Variants in PAX3 observed in about 807,000 individuals in gnomAD.
PAX3 encodes the protein paired box 3, also known as paired box protein Pax-3.
In PAX3, 14 loss-of-function variants were observed where a neutral mutation model predicts 51.6. The observed-to-expected ratio is 0.27, with a 90% CI of 0.18 to 0.42. The LOEUF (loss-of-function observed/expected upper bound fraction) is 0.42. PAX3 is among the 10% of genes least tolerant of loss of function. The pLI is 1.00. For synonymous variants in PAX3, 280 were observed against 253.4 expected (o/e 1.11, Z -1.00); for missense variants, 540 against 642.8 (o/e 0.84, Z 1.73).
At chr2:222,220,735 G>A (rs1437248598) in intron 6 of PAX3, among the ~76,000 whole-genome samples, 2 of 152,192 alleles carry the variant, frequency 1.3e-5, no homozygotes, top group Non-Finnish European at 2.9e-5. Context: ...CTAAATATTT[G>A]TGTAATAATA....
chr2:222,286,137 C>A (rs1324980241), intron 4 of PAX3, among the ~76,000 whole-genome samples: 1 of 152,166 alleles, frequency 6.6e-6, no homozygotes, highest in Admixed American at 6.5e-5. Flanking sequence ...AAGGTTTCAT[C>A]ATGTTGGCCA....
At chr2:222,229,058 C>A (rs576389722) in intron 5 of PAX3, among the ~76,000 whole-genome samples, 86 of 152,054 alleles carry the variant, frequency 5.7e-4, no homozygotes, top group Middle Eastern at 6.8e-3. Flanking sequence ...CATGATTGGA[C>A]CTCACATAAC....
chr2:222,251,027 C>T (rs1225713976), intron 4 of PAX3, among the ~76,000 whole-genome samples: 1 of 152,166 alleles, frequency 6.6e-6, no homozygotes, highest in Non-Finnish European at 1.5e-5. Context: ...TAGAGGTAAC[C>T]ACTTTGTGGT....
At chr2:222,213,262 C>T (rs1210925974) in intron 7 of PAX3, among the ~76,000 whole-genome samples, 1 of 152,122 alleles carries the variant, frequency 6.6e-6, no homozygotes, top group African/African-American at 2.4e-5. Flanking sequence ...TGACATAAAC[C>T]AGGGCTCTCC....
At chr2:222,224,462 G>T (rs892246742) in intron 5 of PAX3, among the ~76,000 whole-genome samples, 6 of 152,070 alleles carry the variant, frequency 3.9e-5, no homozygotes, top group Non-Finnish European at 8.8e-5. Context: ...AGAACCAGCT[G>T]AATTTGCCAA....
intron 5 of PAX3, among the ~76,000 whole-genome samples, chr2:222,229,664 C>T (rs1692513332): frequency 6.6e-6 from 1 of 152,180 alleles, no homozygotes; most frequent in Non-Finnish European, 1.5e-5. Flanking sequence ...ATATCCTCAG[C>T]CTACCTACCA....
At chr2:222,257,722 GC>G (rs1273730731) in intron 4 of PAX3, among the ~76,000 whole-genome samples, 2 of 152,196 alleles carry the variant, frequency 1.3e-5, no homozygotes, top group Non-Finnish European at 2.9e-5. Flanking sequence ...AGACTAGAGG[GC>G]CCTTCGCATC....
intron 4 of PAX3, among the ~76,000 whole-genome samples, chr2:222,291,152 G>A (rs566151345): frequency 1.3e-5 from 2 of 152,288 alleles, no homozygotes; most frequent in South Asian, 4.1e-4. Flanking sequence ...CGAGCCGGGG[G>A]AGGAACAGAG....
In PAX3 at chr2:222,220,309, G is replaced by A. The variant is rs769211597; in HGVS notation, c.1004C>T (p.Pro335Leu). The A allele has an allele frequency of 1.2e-6, 2 of 1,614,082 alleles. No homozygotes were observed. Among genetic ancestry groups the A allele is most frequent in the African/African-American group, 1.3e-5 (1 of 75,038 alleles). The change falls in exon 7 of 9, where the codon CCT becomes CTT. Residue 335 changes from proline (P) to leucine (L), a missense_variant. Pro to Leu is a moderately conservative substitution (Grantham distance 98). Transcript: ENST00000392070. ...SSTVHRPQPL[P>L]PSTVHQSTIP... ...CGTGCTTTGGTGTACAGTGCTTGGA[G>A]GAAGCGGTTGAGGTCTGTGAACGGT...
chr2:222,220,696 A>C (rs931361131), intron 6 of PAX3, among the ~76,000 whole-genome samples: 6 of 152,226 alleles, frequency 3.9e-5, no homozygotes, highest in African/African-American at 1.4e-4. Context: ...CAAGTCTCAA[A>C]TTTCTTATCA....
intron 4 of PAX3, among the ~76,000 whole-genome samples, chr2:222,240,045 T>C (rs1692950442): frequency 1.3e-5 from 2 of 151,914 alleles, no homozygotes; most frequent in Admixed American, 6.6e-5. Flanking sequence ...ACGAGGTCAT[T>C]AGAAGGAAAA....
intron 4 of PAX3, among the ~76,000 whole-genome samples, chr2:222,255,364 A>G (rs1693599692): frequency 6.6e-6 from 1 of 152,180 alleles, no homozygotes; most frequent in Admixed American, 6.5e-5. Context: ...GAGAATCCCC[A>G]CTAGGTGATC....
intron 1 of PAX3, among the ~76,000 whole-genome samples, chr2:222,297,801 C>A (rs963791334): frequency 2.0e-5 from 3 of 152,210 alleles, no homozygotes; most frequent in Non-Finnish European, 4.4e-5. Flanking sequence ...GGGCCCCCAG[C>A]CCCCATTCTT....
In PAX3 at chr2:222,203,012, C is replaced by CATATATATATATATATAT. The variant is rs71053057; in HGVS notation, c.1174-840_1174-823dup. ...TTATTTCTTCTCTAAACAACCATTT[C>CATATATATATATATATAT]ATATATATATATATATATATATATA... On this transcript the variant is annotated intron_variant, in intron 7 of 8. Transcript: ENST00000392070. 1.2e-4 allele frequency among the ~76,000 whole-genome samples: 5 copies of CATATATATATATATATAT among 41,184 alleles called. 1 individual carries two copies. The highest frequency in any genetic ancestry group is 8.3e-4 in the Admixed American group (2 of 2,422). 27.0% of individuals were successfully genotyped at this position (41,184 alleles called of 152,430 possible). A position where few individuals can be genotyped will look rare whatever the true frequency, so the allele number is the denominator to read the frequency against.
chr2:222,252,485 C>T (rs1693473556), intron 4 of PAX3, among the ~76,000 whole-genome samples: 1 of 152,190 alleles, frequency 6.6e-6, no homozygotes, highest in African/African-American at 2.4e-5. Flanking sequence ...CATTCAATCT[C>T]TCTCATGCAG....
At chr2:222,268,842 T>C (rs1190090887) in intron 4 of PAX3, among the ~76,000 whole-genome samples, 2 of 152,134 alleles carry the variant, frequency 1.3e-5, no homozygotes, top group Non-Finnish European at 2.9e-5. Flanking sequence ...GAAAATGCCA[T>C]ATTTGTGCCA....
Position 222,297,175 on chromosome 2 carries a change from C to T in PAX3, c.124G>A (p.Gly42Ser). 6.3e-7 allele frequency: 1 copy of T among 1,597,420 alleles called. No homozygotes were observed. The highest frequency in any genetic ancestry group is 8.5e-7 in the Non-Finnish European group (1 of 1,172,252). The change falls in exon 2 of 9, where the codon GGC (glycine) becomes AGC (serine). Residue 42 changes from glycine to serine, a missense_variant. This residue lies in a region of PAX3 where 50 missense variants were observed against 109.3 expected (regional missense o/e 0.46). Coordinates refer to ENST00000392070, the MANE Select transcript of PAX3 (RefSeq NM_181458.4). ...GGCCTGCCGTTGATAAAAACACCGC[C>T]GAGCTGGTTGACGCGGCCCTGGCCG... The part of the protein sequence containing the change: ...PLGQGRVNQL[G>S]GVFINGRPLP...
chr2:222,268,447 C>A (rs990419027), intron 4 of PAX3, among the ~76,000 whole-genome samples: 1 of 152,176 alleles, frequency 6.6e-6, no homozygotes, highest in Admixed American at 6.5e-5. Context: ...ATCAACCCCC[C>A]CAGCCCTACC....
chr2:222,268,529 G>A (rs533595120), intron 4 of PAX3, among the ~76,000 whole-genome samples: 1 of 152,040 alleles, frequency 6.6e-6, no homozygotes, highest in Admixed American at 6.6e-5. Flanking sequence ...AGGGCTTTCC[G>A]GTTGCCTCTC....
Sources: allele counts gnomAD v4.1 joint callset (sites outside exome capture counted in the v4.1 genomes callset), GRCh38; gene constraint gnomAD v4.1.1; regional missense constraint gnomAD v4.1.1; transcripts MANE v1.5; gene names NCBI Gene and HGNC (gene_info 2026-07-23, HGNC 2026-07-21).